The following RALGAPA2 variants were observed in gnomAD, a reference collection of about 807,000 sequenced individuals.
The protein encoded by RALGAPA2 is ral GTPase-activating protein subunit alpha-2.
Under a neutral mutation model 230.4 loss-of-function variants are expected in RALGAPA2, and 139 were observed. The observed-to-expected ratio is 0.60, with a 90% CI of 0.53 to 0.69. The LOEUF (loss-of-function observed/expected upper bound fraction) is 0.69, where lower values mean the gene tolerates loss of function less well. Among genes scored for constraint, RALGAPA2 ranks in the 30% least tolerant of loss-of-function variants. The probability of loss-of-function intolerance (pLI) is 0.00; values close to 1 mark genes in which losing one functional copy is unlikely to be tolerated. For synonymous variants in RALGAPA2, 847 were observed against 837.8 expected (o/e 1.01, Z -0.19); for missense variants, 2,163 against 2,276.0 (o/e 0.95, Z 1.01).
At chr20:20,653,714 A>G (rs1387409986) in intron 3 of RALGAPA2, 127 bp from the exon 4 acceptor site, 2 of 545,774 alleles carry the variant, frequency 3.7e-6, no homozygotes, top group Non-Finnish European at 6.6e-6. Flanking sequence ...TAACATAAAT[A>G]CTGCACTTCA....
At chr20:20,619,808 CCT>C (rs2066266602) in intron 11 of RALGAPA2, among the ~76,000 whole-genome samples, 1 of 152,160 alleles carries the variant, frequency 6.6e-6, no homozygotes, top group African/African-American at 2.4e-5. Context: ...AAGTGACATG[CCT>C]CTAGTGAGAA....
At chr20:20,418,968 G>A (rs1163688509) in intron 37 of RALGAPA2, among the ~76,000 whole-genome samples, 1 of 152,142 alleles carries the variant, frequency 6.6e-6, no homozygotes, top group Non-Finnish European at 1.5e-5. Flanking sequence ...TTGAACTCCT[G>A]GCCTCAAGTG....
chr20:20,575,760 T>C (rs533755646), intron 20 of RALGAPA2, among the ~76,000 whole-genome samples: 1 of 152,290 alleles, frequency 6.6e-6, no homozygotes, highest in South Asian at 2.1e-4. Flanking sequence ...TGACACAGGA[T>C]TTAATATTCT....
intron 27 of RALGAPA2, among the ~76,000 whole-genome samples, chr20:20,528,103 G>C (rs2063267937): frequency 6.6e-6 from 1 of 152,182 alleles, no homozygotes; most frequent in Non-Finnish European, 1.5e-5. Flanking sequence ...TTCCAGGTAT[G>C]GGTGGCAAGG....
chr20:20,530,613 C>T (rs999679055), intron 27 of RALGAPA2, among the ~76,000 whole-genome samples: 8 of 152,166 alleles, frequency 5.3e-5, no homozygotes, highest in African/African-American at 1.9e-4. Flanking sequence ...TGTTGCTGGC[C>T]TGATGGCGAC....
chr20:20,541,672 C>T (rs2063646082), intron 24 of RALGAPA2, among the ~76,000 whole-genome samples: 1 of 152,198 alleles, frequency 6.6e-6, no homozygotes, highest in Non-Finnish European at 1.5e-5. Flanking sequence ...TTTCTAGAAT[C>T]TTCCATTTAA....
At chr20:20,413,557 T>C (rs898879958) in intron 37 of RALGAPA2, among the ~76,000 whole-genome samples, 1 of 152,104 alleles carries the variant, frequency 6.6e-6, no homozygotes, top group African/African-American at 2.4e-5. Context: ...TTCAGTTGCT[T>C]TGCCCCTCCC....
At chr20:20,699,691 C>G (rs947789760) in intron 1 of RALGAPA2, among the ~76,000 whole-genome samples, 3 of 152,058 alleles carry the variant, frequency 2.0e-5, no homozygotes, top group African/African-American at 7.2e-5. Context: ...AAGCGGCCAA[C>G]AAACATATAA....
At position 20,629,663 on chromosome 20, in the gene RALGAPA2, G is replaced by A. The variant is rs1024727694; in HGVS notation, c.1006-73C>T. On this transcript the variant is annotated intron_variant, in intron 9 of 39. Transcript: ENST00000202677. Reference sequence around the variant, plus strand: ...GAACACCTGGCAAAACTTCAGTCTTGCCTTGTTTTAAGTAACTCTGGTTAC... The same window carrying A: ...GAACACCTGGCAAAACTTCAGTCTTACCTTGTTTTAAGTAACTCTGGTTAC... 3 of 1,502,068 alleles carry A rather than the reference G, an allele frequency of 2.0e-6. No individual in the cohort carries two copies. The African/African-American group carries it at 4.1e-5, about 21-fold the overall frequency. 93.0% of individuals were successfully genotyped at this position (1,502,068 alleles called of 1,614,324 possible).
intron 1 of RALGAPA2, among the ~76,000 whole-genome samples, chr20:20,696,037 G>C (rs1173766342): frequency 6.6e-6 from 1 of 151,874 alleles, no homozygotes; most frequent in African/African-American, 2.4e-5. Context: ...CAGTAGATTT[G>C]GGGATAACAG....
chr20:20,676,313 T>C, intron 2 of RALGAPA2, 25 bp from the exon 3 acceptor site: 2 of 1,480,446 alleles, frequency 1.4e-6, no homozygotes, highest in African/African-American at 1.4e-5. Context: ...AATAATTAGT[T>C]ATCATGACAT....
At chr20:20,525,816 T>C (rs1021663273) in intron 28 of RALGAPA2, among the ~76,000 whole-genome samples, 1 of 152,192 alleles carries the variant, frequency 6.6e-6, no homozygotes, top group Non-Finnish European at 1.5e-5. Context: ...GCAATCTCAT[T>C]ACAGCCGGTA....
chr20:20,432,878 G>C (rs889094280), intron 37 of RALGAPA2, among the ~76,000 whole-genome samples: 1 of 152,176 alleles, frequency 6.6e-6, no homozygotes, highest in Non-Finnish European at 1.5e-5. Flanking sequence ...AGCTGTCCAT[G>C]TGAAAGTGAC....
chr20:20,467,622 A>G (rs948871578), intron 37 of RALGAPA2, among the ~76,000 whole-genome samples: 14 of 152,176 alleles, frequency 9.2e-5, no homozygotes, highest in Admixed American at 5.2e-4. Flanking sequence ...GTTTTAATTT[A>G]TCCACTTAGG....
intron 36 of RALGAPA2, among the ~76,000 whole-genome samples, chr20:20,483,844 A>C (rs2123487912): frequency 6.6e-6 from 1 of 152,298 alleles, no homozygotes; most frequent in South Asian, 2.1e-4. Context: ...TGAAGGATAA[A>C]AATGAGAGGC....
At position 20,396,734 on chromosome 20, in the gene RALGAPA2, T is replaced by C. The variant is rs751105450; in HGVS notation, c.5618A>G (p.Asp1873Gly). 1 of 1,606,768 alleles carries C rather than the reference T, an allele frequency of 6.2e-7. No homozygotes were observed. Among genetic ancestry groups the C allele is most frequent in the Non-Finnish European group, 8.5e-7 (1 of 1,174,120 alleles). The change falls in exon 39 of 40, where the codon GAT becomes GGT. Residue 1873 changes from aspartate (D) to glycine (G), a missense_variant and splice_region_variant. Coordinates refer to ENST00000202677, the MANE Select transcript of RALGAPA2 (RefSeq NM_020343.4). The stretch of plus-strand genomic sequence containing the variant: ...GAAATGAGACCTTTACGTGTTTTAA[T>C]CTGAAGGGAAAGAACACAAAATGGA... ...PSPSYSLSGT[D>G]
intron 24 of RALGAPA2, among the ~76,000 whole-genome samples, chr20:20,541,900 T>G (rs916057750): frequency 1.3e-5 from 2 of 152,170 alleles, no homozygotes; most frequent in Non-Finnish European, 2.9e-5. Context: ...ATGAACATAG[T>G]ATTGGAAGTT....
intron 37 of RALGAPA2, among the ~76,000 whole-genome samples, chr20:20,452,653 C>T (rs1172914308): frequency 1.3e-5 from 2 of 152,202 alleles, no homozygotes; most frequent in South Asian, 2.1e-4. Flanking sequence ...GCGACAATGC[C>T]GGCCTTCAGA....
chr20:20,526,935 T>C (rs1234114032), intron 27 of RALGAPA2, among the ~76,000 whole-genome samples: 1 of 152,200 alleles, frequency 6.6e-6, no homozygotes, highest in Non-Finnish European at 1.5e-5. Context: ...CTCAATTATT[T>C]TGAGTATGTT....
Sources: allele counts gnomAD v4.1 joint callset (sites outside exome capture counted in the v4.1 genomes callset), GRCh38; gene constraint gnomAD v4.1.1; transcripts MANE v1.5; gene names NCBI Gene and HGNC (gene_info 2026-07-23, HGNC 2026-07-21).